The following ANK3 variants were observed in gnomAD, a reference collection of about 807,000 sequenced individuals.
The protein encoded by ANK3 is ankyrin-3.
In ANK3, 57 loss-of-function variants were observed where a neutral mutation model predicts 370.9. That is an observed-to-expected ratio of 0.15 (90% CI 0.12 to 0.19). The LOEUF (loss-of-function observed/expected upper bound fraction) is 0.19, where lower values mean the gene tolerates loss of function less well. ANK3 is among the 10% of genes least tolerant of loss of function. The probability of loss-of-function intolerance (pLI) is 1.00; values close to 1 mark genes in which losing one functional copy is unlikely to be tolerated. For missense variants in ANK3, 4,439 were observed against 5,302.1 expected (o/e 0.84, Z 5.06); for synonymous variants, 1,929 against 1,946.3 (o/e 0.99, Z 0.23).
At chr10:60,251,682 CCTGTCGGTACTTTTCTTT>C (rs1202666412) in intron 7 of ANK3, among the ~76,000 whole-genome samples, 1 of 152,210 alleles carries the variant, frequency 6.6e-6, no homozygotes, top group Non-Finnish European at 1.5e-5. Context: ...ACATGCTGCC[CCTGTCGGTACTTTTCTTT>C]CTGTGACTGG....
chr10:60,682,074 AAGT>A (rs2079203239), intron 1 of ANK3, among the ~76,000 whole-genome samples: 1 of 152,178 alleles, frequency 6.6e-6, no homozygotes. Flanking sequence ...TTGAGCCCAG[AAGT>A]TCAAGACTAC....
chr10:60,412,911 C>T (rs2063588466), intron 2 of ANK3, among the ~76,000 whole-genome samples: 1 of 152,138 alleles, frequency 6.6e-6, no homozygotes, highest in Admixed American at 6.6e-5. Context: ...CTTTTTATTC[C>T]CACCCAGCAT....
At chr10:60,470,969 A>G (rs751001040) in intron 2 of ANK3, among the ~76,000 whole-genome samples, 1 of 152,052 alleles carries the variant, frequency 6.6e-6, no homozygotes, top group Non-Finnish European at 1.5e-5. Context: ...TTTCTAGGAT[A>G]TGTCTTTTAT....
intron 1 of ANK3, among the ~76,000 whole-genome samples, chr10:60,320,105 G>A (rs1406600509): frequency 4.6e-5 from 7 of 152,162 alleles, no homozygotes; most frequent in African/African-American, 1.7e-4. Context: ...AAGGAGCTGG[G>A]CCTGTGCCTA....
At chr10:60,461,261 A>G (rs2064876609) in intron 2 of ANK3, among the ~76,000 whole-genome samples, 1 of 152,168 alleles carries the variant, frequency 6.6e-6, no homozygotes, top group African/African-American at 2.4e-5. Context: ...TCTCAAACCT[A>G]AACCACAATC....
At chr10:60,493,488 G>A (rs574183139) in intron 2 of ANK3, among the ~76,000 whole-genome samples, 2 of 152,104 alleles carry the variant, frequency 1.3e-5, no homozygotes, top group African/African-American at 2.4e-5. Context: ...CTCATTCAGT[G>A]GTCATGGATG....
chr10:60,218,460 G>A (rs552627831), intron 8 of ANK3, among the ~76,000 whole-genome samples: 49 of 152,188 alleles, frequency 3.2e-4, no homozygotes, highest in South Asian at 1.0e-3. Flanking sequence ...TTCAAGAGCT[G>A]TTGTAAGGCA....
At chr10:60,701,765 C>T (rs2079548290) in intron 1 of ANK3, among the ~76,000 whole-genome samples, 1 of 151,948 alleles carries the variant, frequency 6.6e-6, no homozygotes, top group South Asian at 2.1e-4. Context: ...CCTCCTTTAT[C>T]TACAAAACAA....
Position 60,109,041 on chromosome 10 carries a change from A to T in ANK3, c.2962T>A (p.Phe988Ile). Residue 988 changes from phenylalanine (F) to isoleucine (I), a missense_variant, in exon 27 of 44, where the codon TTT (phenylalanine) becomes ATT (isoleucine). Around this residue, in one of 13 missense-constraint regions of ANK3, gnomAD observed 702 missense variants for 941.5 expected, o/e 0.75. Coordinates refer to ENST00000280772, the MANE Select transcript of ANK3 (RefSeq NM_020987.5). ...GAGCCCCCTCTCGCGTCCACCATAA[A>T]GCTAACCAGAAACCTGAGGGGAGAA... Reference protein sequence around the residue: ...SPIHSGFLVSFMVDARGGSMR... With the variant: ...SPIHSGFLVSIMVDARGGSMR... 6.2e-7 allele frequency: 1 copy of T among 1,613,160 alleles called. No individual in the cohort carries two copies. The highest frequency in any genetic ancestry group is 8.5e-7 in the Non-Finnish European group (1 of 1,179,936).
chr10:60,611,996 A>G (rs1436643256), intron 2 of ANK3, among the ~76,000 whole-genome samples: 3 of 152,064 alleles, frequency 2.0e-5, no homozygotes, highest in African/African-American at 7.2e-5. Flanking sequence ...AATTCATCCA[A>G]ACTACCTCTT....
At chr10:60,560,504 C>A (rs2077309839) in intron 2 of ANK3, among the ~76,000 whole-genome samples, 1 of 152,134 alleles carries the variant, frequency 6.6e-6, no homozygotes, top group African/African-American at 2.4e-5. Flanking sequence ...GTGCCCTGTA[C>A]ATTTTTAAAT....
chr10:60,314,703 A>G (rs1566509792), intron 1 of ANK3, among the ~76,000 whole-genome samples: 3 of 152,208 alleles, frequency 2.0e-5, no homozygotes. Flanking sequence ...GAGTGAAGGT[A>G]CAAACTCCAT....
intron 9 of ANK3, among the ~76,000 whole-genome samples, chr10:60,211,892 CAA>C (rs72238553): frequency 0.28 from 26,086 of 92,640 alleles, 2,842 homozygotes; most frequent in East Asian, 0.45. Context: ...AATACAGAGC[CAA>C]AAAAAAAAAA....
At chr10:60,313,097 G>A (rs1593523034) in intron 1 of ANK3, among the ~76,000 whole-genome samples, 1 of 152,112 alleles carries the variant, frequency 6.6e-6, no homozygotes, top group East Asian at 1.9e-4. Flanking sequence ...TTTTCACAGA[G>A]CACAATACCT....
At chr10:60,646,633 T>A (rs1265421097) in intron 1 of ANK3, among the ~76,000 whole-genome samples, 1 of 151,970 alleles carries the variant, frequency 6.6e-6, no homozygotes, top group Admixed American at 6.6e-5. Context: ...TGGAGAGAAG[T>A]CACTGGTTTG....
intron 1 of ANK3, among the ~76,000 whole-genome samples, chr10:60,618,635 G>A (rs1254214936): frequency 1.3e-5 from 2 of 152,156 alleles, no homozygotes; most frequent in African/African-American, 4.8e-5. Flanking sequence ...AAGGTAGAAG[G>A]AGAAAACCAG....
intron 2 of ANK3, among the ~76,000 whole-genome samples, chr10:60,517,914 A>G (rs750668393): frequency 3.3e-5 from 5 of 152,062 alleles, no homozygotes; most frequent in Non-Finnish European, 7.4e-5. Context: ...CCCACTGGCT[A>G]GCTGTGCAAA....
chr10:60,156,553 C>T (rs1450994893), intron 23 of ANK3, among the ~76,000 whole-genome samples: 4 of 152,004 alleles, frequency 2.6e-5, no homozygotes, highest in Non-Finnish European at 5.9e-5. Context: ...CGCATTATCC[C>T]TCCCCCAACT....
At chr10:60,649,938 A>T (rs1413389456) in intron 1 of ANK3, among the ~76,000 whole-genome samples, 1 of 152,208 alleles carries the variant, frequency 6.6e-6, no homozygotes, top group East Asian at 1.9e-4. Context: ...ACAGTTCATG[A>T]TCTGTCACCT....
Sources: gnomAD v4.1 joint callset for allele counts (sites outside exome capture counted in the v4.1 genomes callset) on GRCh38, gnomAD v4.1.1 for gene constraint, gnomAD v4.1.1 regional missense constraint, MANE v1.5 for transcripts, NCBI Gene and HGNC (gene_info 2026-07-23, HGNC 2026-07-21) for gene names.